The following TESMIN variants were observed in gnomAD, a reference collection of about 807,000 sequenced individuals.
The protein encoded by TESMIN is CXC domain containing 2.
TESMIN carries 34 observed loss-of-function variants against 47.4 expected under a neutral mutation model. The observed-to-expected ratio is 0.72, with a 90% CI of 0.55 to 0.96. The LOEUF (loss-of-function observed/expected upper bound fraction) is 0.96. TESMIN is among the 40% of genes least tolerant of loss of function. TESMIN has a pLI of 0.00. For synonymous variants in TESMIN, 278 were observed against 258.9 expected (o/e 1.07, Z -0.71); for missense variants, 610 against 637.2 (o/e 0.96, Z 0.46).
intron 6 of TESMIN, among the ~76,000 whole-genome samples, chr11:68,728,145 A>G (rs1946286441): frequency 6.6e-6 from 1 of 152,248 alleles, no homozygotes; most frequent in Admixed American, 6.5e-5. Context: ...CTCTCACTTT[A>G]AATCAAAAGA....
chr11:68,739,366 G>C (rs1443768778), intron 5 of TESMIN, among the ~76,000 whole-genome samples: 2 of 152,158 alleles, frequency 1.3e-5, no homozygotes, highest in Non-Finnish European at 2.9e-5. Flanking sequence ...TGTTCACAGG[G>C]AAAGGAACAG....
At chr11:68,706,573 C>A (rs1946000277), downstream of TESMIN, among the ~76,000 whole-genome samples, 1 of 152,228 alleles carries the variant, frequency 6.6e-6, no homozygotes, top group African/African-American at 2.4e-5. Flanking sequence ...TGCCCCAGGG[C>A]TGTGCTGAGG....
chr11:68,717,787 C>G (rs1946157310), intron 6 of TESMIN, among the ~76,000 whole-genome samples: 1 of 152,162 alleles, frequency 6.6e-6, no homozygotes, highest in South Asian at 2.1e-4. Context: ...CCTTCCTAAG[C>G]AGCTGGGACC....
intron 5 of TESMIN, among the ~76,000 whole-genome samples, chr11:68,741,299 T>C (rs1234336597): frequency 6.6e-6 from 1 of 152,214 alleles, no homozygotes; most frequent in African/African-American, 2.4e-5. Flanking sequence ...ACAGCAGGCA[T>C]GACCCTATCC....
In TESMIN at chr11:68,745,091, CCCTTT is replaced by C; in HGVS notation, c.646_650del (p.Lys216GlyfsTer11). The C allele has an allele frequency of 6.3e-7, 1 of 1,576,186 alleles. No homozygotes were observed. The highest frequency in any genetic ancestry group is 1.7e-4 in the Middle Eastern group (1 of 5,990). On this transcript the variant is annotated frameshift_variant, in exon 4 of 10. Coordinates refer to ENST00000255087, the MANE Select transcript of TESMIN (RefSeq NM_004923.3). LOFTEE classifies it high-confidence loss of function. ...TGTCTATACATAGCATTTGTGTGCC[CCCTTT>C]CAATTGGCATATCACCTAAAATGAA...
intron 3 of TESMIN, among the ~76,000 whole-genome samples, chr11:68,745,469 T>C (rs868645604): frequency 3.9e-5 from 6 of 152,030 alleles, no homozygotes; most frequent in Admixed American, 1.3e-4. Context: ...ACTCCACCAT[T>C]GACATGAGCA....
intron 2 of TESMIN, among the ~76,000 whole-genome samples, chr11:68,748,684 G>C (rs1223996991): frequency 6.6e-6 from 1 of 152,192 alleles, no homozygotes. Flanking sequence ...ACATGTCTGT[G>C]CTGTATCTGG....
intron 6 of TESMIN, among the ~76,000 whole-genome samples, chr11:68,728,569 G>T (rs1555223787): frequency 2.0e-5 from 3 of 152,254 alleles, no homozygotes; most frequent in Non-Finnish European, 4.4e-5. Flanking sequence ...TGAACAACAG[G>T]TTTTCAGTGT....
intron 4 of TESMIN, among the ~76,000 whole-genome samples, chr11:68,743,982 G>C (rs1946489746): frequency 6.6e-6 from 1 of 152,130 alleles, no homozygotes; most frequent in African/African-American, 2.4e-5. Flanking sequence ...CAGGAGGAAG[G>C]GGAGCAGGAA....
At chr11:68,714,513 T>C (rs536169235) in intron 7 of TESMIN, among the ~76,000 whole-genome samples, 10 of 152,374 alleles carry the variant, frequency 6.6e-5, no homozygotes, top group Admixed American at 3.3e-4. Context: ...GGTTTGCCTA[T>C]GCTGGTGCCT....
chr11:68,750,660 TG>T lies in TESMIN; in HGVS notation c.-1del. Reference sequence around the variant, plus strand: ...CCGCCCGGCAGAGGGCCCTCCTCCATGGCGCAGGGCGGCGGGGCGGGATGGC... The same window carrying T: ...CCGCCCGGCAGAGGGCCCTCCTCCATGCGCAGGGCGGCGGGGCGGGATGGC... On this transcript the variant is annotated 5_prime_UTR_variant, in exon 2 of 10. Transcript: ENST00000255087. The T allele has an allele frequency of 2.0e-6, 3 of 1,509,588 alleles. No individual in the cohort carries two copies. The South Asian group carries it at 3.7e-5, about 19-fold the overall frequency. 93.5% of individuals were successfully genotyped at this position (1,509,588 alleles called of 1,614,324 possible).
At chr11:68,711,823 T>C (rs553209611) in intron 8 of TESMIN, among the ~76,000 whole-genome samples, 72 of 152,208 alleles carry the variant, frequency 4.7e-4, no homozygotes, top group Non-Finnish European at 7.2e-4. Flanking sequence ...AAGCTTTTCC[T>C]GGCAATGTGA....
intron 6 of TESMIN, among the ~76,000 whole-genome samples, chr11:68,718,371 A>C (rs974028768): frequency 6.6e-6 from 1 of 152,256 alleles, no homozygotes; most frequent in Non-Finnish European, 1.5e-5. Flanking sequence ...AAACAGGAAA[A>C]TAATTCTTAT....
At chr11:68,713,215 A>G (rs530741647) in intron 8 of TESMIN, 55 bp downstream of exon 8, 1 of 1,518,314 alleles carries the variant, frequency 6.6e-7, no homozygotes, top group African/African-American at 1.4e-5. Flanking sequence ...CACAAAAGTT[A>G]CTCAACATAT....
intron 5 of TESMIN, among the ~76,000 whole-genome samples, chr11:68,739,163 G>C (rs1946427685): frequency 6.6e-6 from 1 of 152,176 alleles, no homozygotes; most frequent in South Asian, 2.1e-4. Context: ...CCATAAACTA[G>C]AAATGTTCTT....
chr11:68,747,108 G>T, intron 3 of TESMIN, 100 bp downstream of exon 3: 1 of 1,362,542 alleles, frequency 7.3e-7, no homozygotes, highest in Non-Finnish European at 1.0e-6. Flanking sequence ...CAATACATAC[G>T]TGAAATGAAA....
chr11:68,732,181 C>T (rs910521779), intron 6 of TESMIN, among the ~76,000 whole-genome samples: 8 of 152,208 alleles, frequency 5.3e-5, no homozygotes, highest in Non-Finnish European at 1.2e-4. Context: ...CTGTCGCCTG[C>T]CAGCACTGGA....
chr11:68,720,858 T>C (rs111475868), intron 6 of TESMIN, among the ~76,000 whole-genome samples: 3 of 152,248 alleles, frequency 2.0e-5, no homozygotes. Flanking sequence ...AGAAACAAAT[T>C]ACATCCAATC....
intron 6 of TESMIN, chr11:68,738,137 G>A: frequency 1.0e-6 from 1 of 986,048 alleles, no homozygotes; most frequent in East Asian, 1.1e-4. Flanking sequence ...GCAAGAAATA[G>A]CAAGATTATA....
Sources: allele counts gnomAD v4.1 joint callset (sites outside exome capture counted in the v4.1 genomes callset), GRCh38; gene constraint gnomAD v4.1.1; transcripts MANE v1.5; gene names NCBI Gene and HGNC (gene_info 2026-07-23, HGNC 2026-07-21).